Variants in KIR2DL4 observed in about 807,000 individuals in gnomAD.
KIR2DL4 encodes the protein killer cell immunoglobulin-like receptor 2DL4.
KIR2DL4 carries 41 observed loss-of-function variants against 31.0 expected under a neutral mutation model. That is an observed-to-expected ratio of 1.32 (90% CI 1.03 to 1.72). KIR2DL4 has a LOEUF of 1.72. Ranked by LOEUF, KIR2DL4 falls within the 40% of genes most tolerant of loss-of-function variation. The pLI is 0.00. For missense variants in KIR2DL4, 438 were observed against 353.7 expected, an observed-to-expected ratio of 1.24 and a Z score of -1.91; for synonymous variants, 164 against 133.6, an observed-to-expected ratio of 1.23 and a Z score of -1.57.
chr19:54,813,605 C>T, intron 6 of KIR2DL4, 85 bp from the exon 6 acceptor site: 27 of 1,410,588 alleles, frequency 1.9e-5, no homozygotes, highest in Non-Finnish European at 2.7e-5. Flanking sequence ...CACCTATGGC[C>T]TCCCCCTGTG....
intron 1 of KIR2DL4, 98 bp downstream of exon 1, chr19:54,803,789 T>C (rs1202070400): frequency 6.4e-6 from 10 of 1,563,366 alleles, no homozygotes; most frequent in Non-Finnish European, 8.8e-6. Context: ...AAGTGAGTGG[T>C]GAGGATGAGT....
exon 4 of KIR2DL4, chr19:54,805,963 A>G: frequency 6.2e-7 from 1 of 1,606,520 alleles, no homozygotes; most frequent in Non-Finnish European, 8.5e-7. Flanking sequence ...CTATATGAGA[A>G]ACCTTCGCTT....
rs1601176927 is a variant in KIR2DL4, at chr19:54,808,852, G to A, written c.675G>A (p.Trp225Ter). Residue 225 changes from tryptophan to a stop codon, truncating the protein, a stop_gained, in exon 5 of 8, where the codon TGG (tryptophan) becomes TGA (stop). Coordinates refer to ENST00000359085, the Ensembl canonical transcript of KIR2DL4. LOFTEE classifies it high-confidence loss of function. ...TTCTAGGAAACCCTTCTAGTAGTTG[G>A]CCTTCACCCACTGAACCAAGCTTCA... 3 of 1,602,310 alleles carry A rather than the reference G, an allele frequency of 1.9e-6. No individual in the cohort carries two copies. Among genetic ancestry groups the A allele is most frequent in the Non-Finnish European group, 1.7e-6 (2 of 1,172,474 alleles).
intron 6 of KIR2DL4, 36 bp from the exon 6 acceptor site, chr19:54,813,654 C>T (rs1451296738): frequency 5.0e-6 from 8 of 1,605,338 alleles, no homozygotes; most frequent in Non-Finnish European, 6.8e-6. Flanking sequence ...CCAGAAGTGC[C>T]CTCCCAGCTG....
chr19:54,806,806 G>A (rs2060559214), intron 4 of KIR2DL4, among the ~76,000 whole-genome samples: 1 of 149,864 alleles, frequency 6.7e-6, no homozygotes, highest in African/African-American at 2.5e-5. Flanking sequence ...TCAGGGGCTG[G>A]AGACCAGCCT....
At chr19:54,806,802 G>T (rs1457333211) in intron 4 of KIR2DL4, among the ~76,000 whole-genome samples, 1 of 149,912 alleles carries the variant, frequency 6.7e-6, no homozygotes, top group Admixed American at 6.7e-5. Flanking sequence ...AAAATCAGGG[G>T]CTGGAGACCA....
intron 5 of KIR2DL4, among the ~76,000 whole-genome samples, chr19:54,811,846 G>C (rs1484573872): frequency 6.6e-6 from 1 of 151,114 alleles, no homozygotes; most frequent in Non-Finnish European, 1.5e-5. Context: ...ATGATGGAGG[G>C]GGTGGTCTTT....
rs767101253 is a variant in KIR2DL4, at chr19:54,805,994, G to T, written c.405G>T (p.Thr135=). ...CGCTTACAGCCCGGCCGGGCCCCACGGTTCGCGCAGGAGAGAACGTGACCT... is the reference window on the plus strand; with the variant it reads ...CGCTTACAGCCCGGCCGGGCCCCACTGTTCGCGCAGGAGAGAACGTGACCT... The change falls in exon 4 of 8, where the codon ACG becomes ACT. Residue 135 remains threonine (T), a synonymous_variant. Coordinates refer to ENST00000359085, the Ensembl canonical transcript of KIR2DL4. 16 of 1,610,032 alleles carry T rather than the reference G, an allele frequency of 9.9e-6. 1 individual carries two copies. In the South Asian group the frequency reaches 1.3e-4, roughly 13 times the overall value.
At chr19:54,806,337 G>A (rs2060527970) in intron 4 of KIR2DL4, 93 bp downstream of exon 4, 3 of 1,340,154 alleles carry the variant, frequency 2.2e-6, no homozygotes, top group Non-Finnish European at 1.0e-6. Context: ...ATGGACAGAT[G>A]TGGAGAGAAG....
chr19:54,813,844 C>T (rs201003260), exon 8 of KIR2DL4: 14 of 1,612,238 alleles, frequency 8.7e-6, no homozygotes, highest in Non-Finnish European at 1.2e-5. Flanking sequence ...CTCTCCAGGA[C>T]TCTGATGAAC....
At chr19:54,804,153 G>A (rs1278042622) in intron 2 of KIR2DL4, among the ~76,000 whole-genome samples, 1 of 106,636 alleles carries the variant, frequency 9.4e-6, no homozygotes, top group East Asian at 3.5e-4. Flanking sequence ...ATCCTGGTAT[G>A]CTCAGCCCTC....
At chr19:54,809,716 C>G (rs2060741837) in intron 5 of KIR2DL4, among the ~76,000 whole-genome samples, 1 of 151,352 alleles carries the variant, frequency 6.6e-6, no homozygotes, top group African/African-American at 2.4e-5. Context: ...TCTTCCTTGT[C>G]CACACCTCTT....
exon 4 of KIR2DL4, chr19:54,806,159 A>G: frequency 1.2e-6 from 2 of 1,611,890 alleles, no homozygotes; most frequent in Non-Finnish European, 1.7e-6. Context: ...CCACCCACGG[A>G]GAGACCTACA....
At chr19:54,806,346 AG>A in intron 4 of KIR2DL4, 102 bp downstream of exon 4, 1 of 1,288,510 alleles carries the variant, frequency 7.8e-7, no homozygotes, top group South Asian at 1.3e-5. Flanking sequence ...TGTGGAGAGA[AG>A]ATGCAGCATG....
chr19:54,811,099 TTATAA>T (rs1425417469), intron 5 of KIR2DL4, among the ~76,000 whole-genome samples: 1 of 151,272 alleles, frequency 6.6e-6, no homozygotes, highest in Non-Finnish European at 1.5e-5. Flanking sequence ...AAGAGACCTA[TTATAA>T]TATAACACAC....
intron 5 of KIR2DL4, among the ~76,000 whole-genome samples, chr19:54,812,534 G>A (rs1360226061): frequency 2.7e-5 from 4 of 150,364 alleles, no homozygotes; most frequent in Non-Finnish European, 5.9e-5. Context: ...CTTGAGCCTG[G>A]GTATCTTCTA....
In KIR2DL4 at chr19:54,803,934, C is replaced by A. The variant is rs765545265; in HGVS notation, c.76+8C>A. 8 of 1,608,414 alleles carry A rather than the reference C, an allele frequency of 5.0e-6. No individual in the cohort carries two copies. The highest frequency in any genetic ancestry group is 6.8e-6 in the Non-Finnish European group (8 of 1,177,822). On this transcript the variant is annotated splice_region_variant and intron_variant, in intron 2 of 7. Transcript: ENST00000359085. ...GTGTGTGGGCACACGTGGGTGAGTC[C>A]TTCCCCAAATGATGGGTTGCCATCT...
At chr19:54,808,278 C>T (rs936587265) in intron 4 of KIR2DL4, among the ~76,000 whole-genome samples, 2 of 150,650 alleles carry the variant, frequency 1.3e-5, no homozygotes, top group Non-Finnish European at 2.9e-5. Context: ...AATGTCTTCC[C>T]TCAGACAAAT....
chr19:54,806,770 C>T (rs187656554), intron 4 of KIR2DL4, among the ~76,000 whole-genome samples: 22,238 of 150,130 alleles, frequency 0.15, 2,145 homozygotes, highest in Middle Eastern at 0.2. Flanking sequence ...CATTTTGAGA[C>T]GCCAAGGCAG....
Sources: allele counts gnomAD v4.1 joint callset (sites outside exome capture counted in the v4.1 genomes callset), GRCh38; gene constraint gnomAD v4.1.1; transcripts MANE v1.5; gene names NCBI Gene and HGNC (gene_info 2026-07-23, HGNC 2026-07-21).